The following WDR49 variants were observed in gnomAD, a reference collection of about 807,000 sequenced individuals.
WDR49 encodes the protein WD repeat domain 49, also known as cilia- and flagella-associated protein 337.
WDR49 carries 107 observed loss-of-function variants against 119.5 expected under a neutral mutation model. The observed-to-expected ratio is 0.90, with a 90% CI of 0.77 to 1.05. The LOEUF (loss-of-function observed/expected upper bound fraction) is 1.05, where lower values mean the gene tolerates loss of function less well. WDR49 is among the 50% of genes least tolerant of loss of function. The pLI is 0.00. For synonymous variants in WDR49, 425 were observed against 418.8 expected (o/e 1.01, Z -0.18); for missense variants, 1,240 against 1,220.5 (o/e 1.02, Z -0.24).
intron 8 of WDR49, among the ~76,000 whole-genome samples, chr3:167,571,097 A>G (rs2108279852): frequency 6.6e-6 from 1 of 152,048 alleles, no homozygotes; most frequent in African/African-American, 2.4e-5. Context: ...TAAGGGCACC[A>G]CTCTATGGCT....
intron 16 of WDR49, among the ~76,000 whole-genome samples, chr3:167,519,733 T>C (rs1210223077): frequency 6.6e-6 from 1 of 152,128 alleles, no homozygotes; most frequent in East Asian, 1.9e-4. Flanking sequence ...CAAACCTCCA[T>C]GGCATACATT....
intron 7 of WDR49, among the ~76,000 whole-genome samples, chr3:167,601,745 A>G (rs1715782727): frequency 1.3e-5 from 2 of 152,174 alleles, no homozygotes; most frequent in South Asian, 4.1e-4. Flanking sequence ...AGTCTCTTCA[A>G]TATCAAAGCA....
At position 167,529,214 on chromosome 3, in the gene WDR49, T is replaced by TC. The variant is rs771960933; in HGVS notation, c.2243dup (p.Gly749ArgfsTer12). 3.7e-6 allele frequency: 6 copies of TC among 1,602,650 alleles called. No homozygotes were observed. The South Asian group carries it at 5.6e-5, about 15-fold the overall frequency. ...CCCAAAATCTGACATAACCAGATCC[T>TC]CCACATGATACCAGGTTAGCTCCTC... On this transcript the variant is annotated frameshift_variant, in exon 14 of 19. Coordinates refer to ENST00000682715, the MANE Select transcript of WDR49 (RefSeq NM_001366157.1). LOFTEE classifies it high-confidence loss of function.
At chr3:167,607,084 T>G (rs1233380417) in intron 5 of WDR49, among the ~76,000 whole-genome samples, 1 of 152,228 alleles carries the variant, frequency 6.6e-6, no homozygotes, top group Non-Finnish European at 1.5e-5. Flanking sequence ...TCTTGACTTC[T>G]CTATACGGCA....
chr3:167,581,307 A>G (rs529507744), intron 7 of WDR49, among the ~76,000 whole-genome samples: 6 of 152,260 alleles, frequency 3.9e-5, no homozygotes, highest in Admixed American at 3.3e-4. Context: ...CTAGAAATCA[A>G]TGGATTGAGA....
intron 8 of WDR49, 94 bp downstream of exon 8, chr3:167,575,824 T>C (rs1317452211): frequency 3.8e-6 from 5 of 1,307,910 alleles, no homozygotes; most frequent in African/African-American, 1.5e-5. Flanking sequence ...CTTTACTATA[T>C]TTGTCTTTCA....
intron 7 of WDR49, among the ~76,000 whole-genome samples, chr3:167,581,819 C>A (rs1158521828): frequency 2.0e-5 from 3 of 152,120 alleles, no homozygotes; most frequent in Non-Finnish European, 4.4e-5. Flanking sequence ...TACATACTAG[C>A]AACATGTTTA....
chr3:167,537,937 C>T (rs916534845), intron 10 of WDR49, among the ~76,000 whole-genome samples: 12 of 152,108 alleles, frequency 7.9e-5, no homozygotes, highest in African/African-American at 2.9e-4. Flanking sequence ...CAGTGTTACT[C>T]CTCAGCCTCA....
chr3:167,646,167 T>A (rs946434093), intron 2 of WDR49, among the ~76,000 whole-genome samples: 1 of 152,074 alleles, frequency 6.6e-6, no homozygotes, highest in Non-Finnish European at 1.5e-5. Flanking sequence ...ATTGGAACCA[T>A]AAATCCAGAC....
intron 18 of WDR49, among the ~76,000 whole-genome samples, chr3:167,498,108 G>A (rs963450057): frequency 2.0e-5 from 3 of 152,026 alleles, no homozygotes; most frequent in Non-Finnish European, 4.4e-5. Context: ...CCAATGTGCT[G>A]GGATTACGGG....
At chr3:167,570,809 A>G (rs889462736) in intron 8 of WDR49, among the ~76,000 whole-genome samples, 1 of 152,170 alleles carries the variant, frequency 6.6e-6, no homozygotes, top group Non-Finnish European at 1.5e-5. Context: ...AAGCCAAGGC[A>G]GGTGGATCAC....
At chr3:167,528,502 A>T (rs1752719716) in intron 14 of WDR49, among the ~76,000 whole-genome samples, 1 of 150,620 alleles carries the variant, frequency 6.6e-6, no homozygotes, top group Non-Finnish European at 1.5e-5. Flanking sequence ...CAACCTAGTG[A>T]GACCCTGTCT....
chr3:167,611,820 G>T (rs574074602), intron 5 of WDR49, among the ~76,000 whole-genome samples: 1 of 152,222 alleles, frequency 6.6e-6, no homozygotes, highest in South Asian at 2.1e-4. Flanking sequence ...GCTACCATGG[G>T]AGCACTTTGA....
At chr3:167,532,009 C>T (rs1485373151) in intron 12 of WDR49, among the ~76,000 whole-genome samples, 2 of 152,136 alleles carry the variant, frequency 1.3e-5, no homozygotes, top group African/African-American at 2.4e-5. Flanking sequence ...CCAACCTCCT[C>T]ATGGCAAGTT....
intron 7 of WDR49, among the ~76,000 whole-genome samples, chr3:167,581,570 C>T (rs905314655): frequency 2.0e-5 from 3 of 152,182 alleles, no homozygotes; most frequent in Non-Finnish European, 4.4e-5. Flanking sequence ...TTCAGCCTAG[C>T]TTTGCTGAAG....
intron 6 of WDR49, 95 bp downstream of exon 6, chr3:167,604,204 CAA>C (rs1715922779): frequency 2.9e-6 from 4 of 1,398,956 alleles, no homozygotes; most frequent in Middle Eastern, 1.9e-4. Flanking sequence ...GTCTCTATAG[CAA>C]TACAGCAACA....
chr3:167,529,217 A>AC lies in WDR49; in HGVS notation c.2240dup (p.Cys747TrpfsTer14). The AC allele has an allele frequency of 6.2e-7, 1 of 1,601,198 alleles. No homozygotes were observed. Among genetic ancestry groups the AC allele is most frequent in the Non-Finnish European group, 8.5e-7 (1 of 1,176,098 alleles). Reference sequence around the variant, plus strand: ...AAAATCTGACATAACCAGATCCTCCACATGATACCAGGTTAGCTCCTCCTA... The same window carrying AC: ...AAAATCTGACATAACCAGATCCTCCACCATGATACCAGGTTAGCTCCTCCTA... On this transcript the variant is annotated frameshift_variant, in exon 14 of 19. Coordinates refer to ENST00000682715, the MANE Select transcript of WDR49 (RefSeq NM_001366157.1). LOFTEE classifies it high-confidence loss of function.
chr3:167,557,650 G>A (rs1046230756), intron 9 of WDR49, among the ~76,000 whole-genome samples: 2 of 151,892 alleles, frequency 1.3e-5, no homozygotes, highest in Non-Finnish European at 2.9e-5. Context: ...CTACTCGGGA[G>A]GCTGAGGCAG....
chr3:167,523,274 ACT>A (rs1752518600), intron 15 of WDR49, among the ~76,000 whole-genome samples: 2 of 152,114 alleles, frequency 1.3e-5, no homozygotes, highest in African/African-American at 2.4e-5. Context: ...AGTAAATAAA[ACT>A]CACCCTCAGT....
Sources: gnomAD v4.1 joint callset for allele counts (sites outside exome capture counted in the v4.1 genomes callset) on GRCh38, gnomAD v4.1.1 for gene constraint, MANE v1.5 for transcripts, NCBI Gene and HGNC (gene_info 2026-07-23, HGNC 2026-07-21) for gene names.